Variants in CDH7 observed in about 807,000 individuals in gnomAD.
CDH7 encodes the protein cadherin 7.
In CDH7, 25 loss-of-function variants were observed where a neutral mutation model predicts 71.8. The ratio of observed to expected loss-of-function variants is 0.35; its 90% confidence interval spans 0.25 to 0.49. The LOEUF (loss-of-function observed/expected upper bound fraction) is 0.49. Among genes scored for constraint, CDH7 ranks in the 20% least tolerant of loss-of-function variants. The pLI is 0.99. For synonymous variants in CDH7, 381 were observed against 363.8 expected, an observed-to-expected ratio of 1.05 and a Z score of -0.54; for missense variants, 862 against 974.6, an observed-to-expected ratio of 0.88 and a Z score of 1.54.
At chr18:65,778,289 A>T (rs1246689002) in intron 2 of CDH7, among the ~76,000 whole-genome samples, 1 of 150,704 alleles carries the variant, frequency 6.6e-6, no homozygotes. Flanking sequence ...AAAAAAAAAA[A>T]AAAAAAAAAA....
intron 2 of CDH7, among the ~76,000 whole-genome samples, chr18:65,808,865 G>A (rs1007705212): frequency 3.3e-5 from 5 of 152,130 alleles, no homozygotes; most frequent in African/African-American, 9.7e-5. Flanking sequence ...TGAGTAGCGC[G>A]TTTGTCAGGT....
At chr18:65,805,984 CAG>C (rs2143896409) in intron 2 of CDH7, among the ~76,000 whole-genome samples, 1 of 152,142 alleles carries the variant, frequency 6.6e-6, no homozygotes, top group South Asian at 2.1e-4. Flanking sequence ...GATTATGATT[CAG>C]AATGAATGAA....
At chr18:65,862,639 G>A (rs747211205) in intron 10 of CDH7, 27 bp from the exon 11 acceptor site, 2 of 1,608,428 alleles carry the variant, frequency 1.2e-6, no homozygotes, top group South Asian at 2.2e-5. Context: ...GAAATCTGGT[G>A]TTATACATTT....
At chr18:65,791,400 T>C (rs1910708233) in intron 2 of CDH7, among the ~76,000 whole-genome samples, 1 of 152,226 alleles carries the variant, frequency 6.6e-6, no homozygotes, top group Admixed American at 6.5e-5. Context: ...ATTATGTGGT[T>C]TGTAAGCTAT....
intron 2 of CDH7, among the ~76,000 whole-genome samples, chr18:65,772,825 G>C (rs867547223): frequency 2.0e-5 from 3 of 152,072 alleles, no homozygotes; most frequent in African/African-American, 7.2e-5. Context: ...AAATACATAC[G>C]AGTGAGTGTG....
At chr18:65,757,970 A>G (rs1916080259) in intron 1 of CDH7, among the ~76,000 whole-genome samples, 2 of 152,190 alleles carry the variant, frequency 1.3e-5, no homozygotes, top group African/African-American at 2.4e-5. Flanking sequence ...ATAGACTTCT[A>G]AAGAGGGATG....
Position 65,888,487 on chromosome 18 carries a change from T to G in CDH7, c.*7593T>G, listed in dbSNP as rs1326734878. 12 of 152,312 alleles carry G rather than the reference T, an allele frequency of 7.9e-5. No individual in the cohort carries two copies. Among genetic ancestry groups the G allele is most frequent in the African/African-American group, 2.4e-4 (10 of 41,578 alleles). 9.4% of individuals were successfully genotyped at this position (152,312 alleles called of 1,614,324 possible). ...TGGTGGCGCCATCCTGGTTTCCAGCTTATACCTCCTGACAACTCGGTACAG... is the reference window on the plus strand; with the variant it reads ...TGGTGGCGCCATCCTGGTTTCCAGCGTATACCTCCTGACAACTCGGTACAG... On this transcript the variant is annotated 3_prime_UTR_variant, in exon 12 of 12. Transcript: ENST00000397968.
At chr18:65,782,315 C>T (rs1006562069) in intron 2 of CDH7, among the ~76,000 whole-genome samples, 16 of 151,516 alleles carry the variant, frequency 1.1e-4, no homozygotes, top group Admixed American at 3.3e-4. Context: ...TACAGGCATG[C>T]GCCACCACAC....
At chr18:65,863,634 G>T (rs1156620964) in intron 11 of CDH7, 6 of 152,096 alleles carry the variant, frequency 3.9e-5, no homozygotes, top group Non-Finnish European at 8.8e-5. Flanking sequence ...ACTTTTTAAA[G>T]AAATTATTTG....
chr18:65,853,200 C>T lies in CDH7; in HGVS notation c.1236-4616C>T, dbSNP rs566596913. ...AGAGAGATTGTTGTAAGTTCACACA[C>T]CGCTAATGGCATCAGAAGTTGCACT... is the stretch of plus-strand genomic sequence containing the variant. On this transcript the variant is annotated intron_variant, in intron 7 of 11. Coordinates refer to ENST00000397968, the MANE Select transcript of CDH7 (RefSeq NM_004361.5). Among the ~76,000 whole-genome samples the T allele has an allele frequency of 2.7e-4, 41 of 152,274 alleles. 1 individual carries two copies. In the South Asian group the frequency reaches 7.9e-3, roughly 29 times the overall value.
chr18:65,813,590 G>A (rs1911620072), intron 3 of CDH7, among the ~76,000 whole-genome samples: 1 of 151,838 alleles, frequency 6.6e-6, no homozygotes, highest in Non-Finnish European at 1.5e-5. Context: ...TAACAAACTA[G>A]GACCTTAAAT....
intron 1 of CDH7, among the ~76,000 whole-genome samples, chr18:65,761,142 C>T (rs1010976944): frequency 6.6e-6 from 1 of 152,132 alleles, no homozygotes; most frequent in Non-Finnish European, 1.5e-5. Flanking sequence ...TGGTGGCTCT[C>T]AGGTACAGTA....
chr18:65,807,834 G>A (rs1223285016), intron 2 of CDH7, among the ~76,000 whole-genome samples: 2 of 152,306 alleles, frequency 1.3e-5, no homozygotes, highest in East Asian at 1.9e-4. Context: ...GAAGCACTGA[G>A]CTTCTTGAAG....
intron 11 of CDH7, among the ~76,000 whole-genome samples, chr18:65,879,289 T>C (rs1054147491): frequency 6.6e-6 from 1 of 152,338 alleles, no homozygotes; most frequent in Non-Finnish European, 1.5e-5. Flanking sequence ...TCACGCCTGC[T>C]TTTAAAAATA....
At chr18:65,831,946 C>T (rs1038250435) in intron 6 of CDH7, among the ~76,000 whole-genome samples, 4 of 152,022 alleles carry the variant, frequency 2.6e-5, no homozygotes, top group African/African-American at 4.8e-5. Context: ...GTCCCTTCTC[C>T]GCATAAGAAA....
At chr18:65,751,869 A>G (rs1056305570) in intron 1 of CDH7, among the ~76,000 whole-genome samples, 1 of 152,164 alleles carries the variant, frequency 6.6e-6, no homozygotes, top group Non-Finnish European at 1.5e-5. Flanking sequence ...TCCAGTGTGG[A>G]TTAATGAGAA....
chr18:65,801,888 A>C (rs1471088388), intron 2 of CDH7, among the ~76,000 whole-genome samples: 3 of 152,240 alleles, frequency 2.0e-5, no homozygotes, highest in African/African-American at 7.2e-5. Flanking sequence ...CTAATGGACA[A>C]AGCAGTGTAG....
intron 11 of CDH7, among the ~76,000 whole-genome samples, chr18:65,869,946 A>G (rs779032878): frequency 2.6e-5 from 4 of 152,098 alleles, no homozygotes; most frequent in East Asian, 1.9e-4. Context: ...CCAAGACGCT[A>G]TATTTTTAGG....
intron 5 of CDH7, among the ~76,000 whole-genome samples, chr18:65,823,925 A>G (rs1221691744): frequency 6.6e-6 from 1 of 151,892 alleles, no homozygotes; most frequent in African/African-American, 2.4e-5. Flanking sequence ...GATGTAGTTC[A>G]TGTATTTCTT....
Sources: gnomAD v4.1 joint callset for allele counts (sites outside exome capture counted in the v4.1 genomes callset) on GRCh38, gnomAD v4.1.1 for gene constraint, MANE v1.5 for transcripts, NCBI Gene and HGNC (gene_info 2026-07-23, HGNC 2026-07-21) for gene names.